RANBP2: variants seen among roughly 807,000 people sequenced by gnomAD.
The protein encoded by RANBP2 is E3 SUMO-protein ligase RanBP2.
Under a neutral mutation model 303.6 loss-of-function variants are expected in RANBP2, and 57 were observed. The observed-to-expected ratio is 0.19, with a 90% CI of 0.15 to 0.23. RANBP2 has a LOEUF of 0.23. Ranked by LOEUF, RANBP2 falls within the 10% of genes least tolerant of loss-of-function variation. The pLI, the probability that RANBP2 is intolerant of heterozygous loss-of-function variation, is 1.00. For synonymous variants in RANBP2, 1,167 were observed against 1,301.5 expected (o/e 0.90, Z 2.23); for missense variants, 3,138 against 3,780.8 (o/e 0.83, Z 4.46).
At chr2:109,758,322 G>A in the RANBP2 span, among the ~76,000 whole-genome samples, 1 of 53,154 alleles carries the variant, frequency 1.9e-5, no homozygotes, top group Non-Finnish European at 3.6e-5. Flanking sequence ...GCAGGAGGAT[G>A]GCTTGAACCC....
At chr2:109,548,449 C>A in the RANBP2 span, among the ~76,000 whole-genome samples, 1 of 151,944 alleles carries the variant, frequency 6.6e-6, no homozygotes, top group East Asian at 1.9e-4. Flanking sequence ...CATTGGCTCA[C>A]GGAGGTTTAC....
At chr2:108,823,430 T>TGC in the RANBP2 span, among the ~76,000 whole-genome samples, 1 of 152,256 alleles carries the variant, frequency 6.6e-6, no homozygotes, top group Non-Finnish European at 1.5e-5. Context: ...ATGTGTTGCT[T>TGC]AACAATAGGA....
the RANBP2 span, among the ~76,000 whole-genome samples, chr2:109,138,618 T>G: frequency 1.3e-5 from 2 of 152,214 alleles, no homozygotes; most frequent in Non-Finnish European, 2.9e-5. Context: ...CATTCTAGTC[T>G]TCCTGTTCAT....
the RANBP2 span, among the ~76,000 whole-genome samples, chr2:109,108,508 A>C: frequency 6.6e-6 from 1 of 152,176 alleles, no homozygotes; most frequent in Admixed American, 6.5e-5. Context: ...TTGTGGAGCC[A>C]ACCTCTGCAG....
At chr2:109,419,721 T>C in the RANBP2 span, 2 of 1,380,984 alleles carry the variant, frequency 1.4e-6, no homozygotes, top group Non-Finnish European at 2.0e-6. Context: ...CCACGTGTGG[T>C]TTCCGCAGGG....
the RANBP2 span, among the ~76,000 whole-genome samples, chr2:108,867,723 T>C: frequency 6.6e-6 from 1 of 152,336 alleles, no homozygotes; most frequent in African/African-American, 2.4e-5. Context: ...TTTGTTTGTT[T>C]TTAAATATTT....
intron 3 of RANBP2, 105 bp from the exon 4 acceptor site, chr2:108,731,217 A>G: frequency 2.0e-6 from 3 of 1,469,598 alleles, no homozygotes; most frequent in South Asian, 2.8e-5. Context: ...AGAATTTTTT[A>G]AGGGTTGGAG....
chr2:109,177,095 G>A, the RANBP2 span, among the ~76,000 whole-genome samples: 1 of 152,150 alleles, frequency 6.6e-6, no homozygotes, highest in African/African-American at 2.4e-5. Context: ...AATAAGCTCT[G>A]TTTACTGGGA....
At chr2:109,719,144 T>C in the RANBP2 span, among the ~76,000 whole-genome samples, 1 of 146,792 alleles carries the variant, frequency 6.8e-6, no homozygotes, top group African/African-American at 2.5e-5. Context: ...TTGCCCAGGC[T>C]GGAGTGCAAT....
chr2:109,443,307 C>G, the RANBP2 span, among the ~76,000 whole-genome samples: 8 of 152,234 alleles, frequency 5.3e-5, no homozygotes, highest in African/African-American at 1.9e-4. Flanking sequence ...CAACTGGCCT[C>G]AGAGCCAAAA....
chr2:109,398,619 G>C, the RANBP2 span: 1 of 1,587,010 alleles, frequency 6.3e-7, no homozygotes, highest in Non-Finnish European at 8.6e-7. Context: ...AGCTCATTGA[G>C]ATGGACAAGC....
chr2:108,916,211 T>C, the RANBP2 span, among the ~76,000 whole-genome samples: 1 of 152,146 alleles, frequency 6.6e-6, no homozygotes, highest in African/African-American at 2.4e-5. Flanking sequence ...ATCTGTTCAG[T>C]AAGGCGCTCA....
At chr2:109,512,703 C>T in the RANBP2 span, among the ~76,000 whole-genome samples, 1 of 152,172 alleles carries the variant, frequency 6.6e-6, no homozygotes, top group Non-Finnish European at 1.5e-5. Context: ...GGCTGGGCAC[C>T]CTGGAGAGCC....
the RANBP2 span, among the ~76,000 whole-genome samples, chr2:109,196,199 A>G: frequency 6.6e-6 from 1 of 152,006 alleles, no homozygotes; most frequent in African/African-American, 2.4e-5. Flanking sequence ...GGCCTTGTCC[A>G]CCCTTGAGGC....
At chr2:109,105,611 G>A in the RANBP2 span, among the ~76,000 whole-genome samples, 1 of 152,142 alleles carries the variant, frequency 6.6e-6, no homozygotes, top group Non-Finnish European at 1.5e-5. Context: ...CTGGAGTACA[G>A]TGGCGCAATC....
intron 7 of RANBP2, among the ~76,000 whole-genome samples, chr2:108,746,038 C>G (rs1167008919): frequency 6.6e-6 from 1 of 151,736 alleles, no homozygotes; most frequent in Non-Finnish European, 1.5e-5. Flanking sequence ...TCCTGAGTAG[C>G]TGGGACCACA....
At chr2:109,251,443 G>A in the RANBP2 span, 6 of 717,574 alleles carry the variant, frequency 8.4e-6, no homozygotes, top group South Asian at 2.7e-5. Context: ...TCACCCTCCC[G>A]AGTTGAAAAA....
At chr2:109,607,337 T>G in the RANBP2 span, among the ~76,000 whole-genome samples, 1 of 152,142 alleles carries the variant, frequency 6.6e-6, no homozygotes, top group Non-Finnish European at 1.5e-5. Flanking sequence ...TCTTAGACTG[T>G]TTTCAAATCT....
At chr2:109,152,201 A>T in the RANBP2 span, among the ~76,000 whole-genome samples, 1 of 152,232 alleles carries the variant, frequency 6.6e-6, no homozygotes, top group Non-Finnish European at 1.5e-5. Context: ...ATAAATTATC[A>T]CAAAACTGTC....
Sources: gnomAD v4.1 joint callset for allele counts (sites outside exome capture counted in the v4.1 genomes callset) on GRCh38, gnomAD v4.1.1 for gene constraint, MANE v1.5 for transcripts, NCBI Gene and HGNC (gene_info 2026-07-23, HGNC 2026-07-21) for gene names.